Variants in ASTN2 observed in about 807,000 individuals in gnomAD.
The protein encoded by ASTN2 is astrotactin 2, also known as astrotactin-2.
Under a neutral mutation model 139.8 loss-of-function variants are expected in ASTN2, and 54 were observed. The ratio of observed to expected loss-of-function variants is 0.39; its 90% CI spans 0.31 to 0.48. The LOEUF is 0.48. Ranked by LOEUF, ASTN2 falls within the 20% of genes least tolerant of loss-of-function variation. The probability of loss-of-function intolerance (pLI) is 0.95; values close to 1 mark genes in which losing one functional copy is unlikely to be tolerated. For missense variants in ASTN2, 1,565 were observed against 1,725.1 expected (o/e 0.91, Z 1.64); for synonymous variants, 756 against 719.5 (o/e 1.05, Z -0.81).
At chr9:117,325,746 T>G (rs1258794070) in intron 1 of ASTN2, among the ~76,000 whole-genome samples, 1 of 152,094 alleles carries the variant, frequency 6.6e-6, no homozygotes, top group Non-Finnish European at 1.5e-5. Flanking sequence ...GTTTGAGGAT[T>G]GTTAGAGATG....
intron 2 of ASTN2, among the ~76,000 whole-genome samples, chr9:117,289,037 C>A (rs1363859515): frequency 1.3e-5 from 2 of 152,122 alleles, no homozygotes; most frequent in African/African-American, 2.4e-5. Context: ...AGAGAGAGAC[C>A]TCAAGTCTGT....
intron 20 of ASTN2, among the ~76,000 whole-genome samples, chr9:116,462,757 A>G (rs1848526739): frequency 6.7e-6 from 1 of 148,810 alleles, no homozygotes; most frequent in Admixed American, 6.7e-5. Context: ...TCCTCCTAGG[A>G]TTGCTCTTTA....
At chr9:117,123,871 A>T (rs1032252498) in intron 4 of ASTN2, among the ~76,000 whole-genome samples, 1 of 152,174 alleles carries the variant, frequency 6.6e-6, no homozygotes, top group Non-Finnish European at 1.5e-5. Context: ...CACTGTATCA[A>T]ATGAGTATGA....
intron 2 of ASTN2, among the ~76,000 whole-genome samples, chr9:117,241,930 C>A (rs531908206): frequency 7.8e-4 from 117 of 150,524 alleles, no homozygotes; most frequent in African/African-American, 2.8e-3. Context: ...AGTTACCCCC[C>A]CCCACACACA....
At chr9:116,977,655 C>T (rs1030298634) in intron 7 of ASTN2, among the ~76,000 whole-genome samples, 1 of 151,904 alleles carries the variant, frequency 6.6e-6, no homozygotes, top group Non-Finnish European at 1.5e-5. Context: ...TCTCTCTGTC[C>T]TACTCCCAGC....
chr9:117,175,250 C>A (rs60728616), intron 3 of ASTN2, among the ~76,000 whole-genome samples: 1 of 152,156 alleles, frequency 6.6e-6, no homozygotes, highest in South Asian at 2.1e-4. Flanking sequence ...AACTAAAAGT[C>A]TGTGATATAT....
chr9:117,341,867 A>G (rs1001632529), intron 1 of ASTN2, among the ~76,000 whole-genome samples: 2 of 152,020 alleles, frequency 1.3e-5, no homozygotes, highest in Non-Finnish European at 2.9e-5. Flanking sequence ...TGCCATATAC[A>G]CTCAATTCCA....
rs76453714 is a variant in ASTN2, at chr9:116,609,704, C to A, written c.3355+8620G>T. 5.1e-3 allele frequency among the ~76,000 whole-genome samples: 771 copies of A among 151,698 alleles called. 52 individuals carry two copies. In the East Asian group the frequency reaches 0.14, roughly 27 times the overall value. On this transcript the variant is annotated intron_variant, in intron 19 of 22. Transcript: ENST00000313400. Reference sequence around the variant, plus strand: ...ATCTACATGGGTAAATATATAAAATCATTTATGCTATTACTTAAATACCGA... The same window carrying A: ...ATCTACATGGGTAAATATATAAAATAATTTATGCTATTACTTAAATACCGA...
chr9:117,189,210 C>T (rs966478600), intron 3 of ASTN2, among the ~76,000 whole-genome samples: 11 of 150,262 alleles, frequency 7.3e-5, no homozygotes, highest in Non-Finnish European at 1.2e-4. Flanking sequence ...CTGCTGTTTA[C>T]CCACTACCCA....
At chr9:117,315,104 A>G (rs979160227) in intron 1 of ASTN2, among the ~76,000 whole-genome samples, 258 of 151,848 alleles carry the variant, frequency 1.7e-3, no homozygotes, top group Non-Finnish European at 1.3e-3. Flanking sequence ...GTTTTCTATC[A>G]AAATCTCCTG....
chr9:116,614,025 A>C (rs1213943334), intron 19 of ASTN2, among the ~76,000 whole-genome samples: 1 of 152,222 alleles, frequency 6.6e-6, no homozygotes, highest in African/African-American at 2.4e-5. Flanking sequence ...AACTTCAGCA[A>C]AGTCTCAGGA....
intron 19 of ASTN2, among the ~76,000 whole-genome samples, chr9:116,514,103 GCT>G (rs1318373955): frequency 1.3e-5 from 2 of 151,910 alleles, no homozygotes; most frequent in Non-Finnish European, 2.9e-5. Context: ...CAGCTTTTCT[GCT>G]CTGTTTTTTT....
At chr9:116,598,718 C>T (rs1854713831) in intron 19 of ASTN2, among the ~76,000 whole-genome samples, 1 of 152,140 alleles carries the variant, frequency 6.6e-6, no homozygotes. Flanking sequence ...ATTCAGTGCT[C>T]TCATTTAATG....
At chr9:117,122,948 C>T (rs572114801) in intron 4 of ASTN2, among the ~76,000 whole-genome samples, 20 of 152,146 alleles carry the variant, frequency 1.3e-4, no homozygotes, top group Non-Finnish European at 2.5e-4. Context: ...AGCACCAACA[C>T]ACACAGACCA....
At chr9:117,074,112 AT>A (rs1828211313) in intron 5 of ASTN2, among the ~76,000 whole-genome samples, 1 of 152,030 alleles carries the variant, frequency 6.6e-6, no homozygotes, top group Non-Finnish European at 1.5e-5. Flanking sequence ...AAAGACCTTA[AT>A]AGTACAGGAA....
intron 2 of ASTN2, among the ~76,000 whole-genome samples, chr9:117,285,553 T>C (rs1834428643): frequency 1.3e-5 from 2 of 152,204 alleles, no homozygotes; most frequent in Non-Finnish European, 2.9e-5. Flanking sequence ...TTGTGTGACA[T>C]TTTATATTCC....
intron 13 of ASTN2, among the ~76,000 whole-genome samples, chr9:116,777,268 C>A (rs2132197092): frequency 6.6e-6 from 1 of 152,218 alleles, no homozygotes; most frequent in East Asian, 1.9e-4. Context: ...CAGGGAAAGA[C>A]CCTGGGGCAC....
chr9:116,993,853 G>GATATATATAT (rs61556942), intron 7 of ASTN2, among the ~76,000 whole-genome samples: 4,925 of 131,842 alleles, frequency 0.037, 104 homozygotes, highest in Non-Finnish European at 0.049. Flanking sequence ...GTATGTACAT[G>GATATATATAT]ATATATATAT....
At chr9:117,315,652 A>G (rs956269705) in intron 1 of ASTN2, among the ~76,000 whole-genome samples, 2 of 152,176 alleles carry the variant, frequency 1.3e-5, no homozygotes, top group South Asian at 2.1e-4. Flanking sequence ...ATGTTGTGCA[A>G]TTGGTTTTCT....
Sources: allele counts gnomAD v4.1 joint callset (sites outside exome capture counted in the v4.1 genomes callset), GRCh38; gene constraint gnomAD v4.1.1; transcripts MANE v1.5; gene names NCBI Gene and HGNC (gene_info 2026-07-23, HGNC 2026-07-21).